Variants in TFPI observed in about 807,000 individuals in gnomAD.
The protein encoded by TFPI is anti-convertin.
A neutral mutation model predicts 34.6 loss-of-function variants in TFPI; 15 were observed. The ratio of observed to expected loss-of-function variants is 0.43; its 90% CI spans 0.29 to 0.67. The LOEUF is 0.67. TFPI is among the 30% of genes least tolerant of loss of function. TFPI has a pLI of 0.15. For synonymous variants in TFPI, 105 were observed against 120.1 expected (o/e 0.87, Z 0.82); for missense variants, 301 against 364.0 (o/e 0.83, Z 1.41).
chr2:187,484,735 A>G, intron 5 of TFPI, 76 bp downstream of exon 5: 1 of 1,359,350 alleles, frequency 7.4e-7, no homozygotes, highest in Admixed American at 2.6e-5. Flanking sequence ...ACCTGAGTAT[A>G]GAATGCCATC....
At chr2:187,512,277 T>TAAAAAAAAA (rs143585752) in intron 1 of TFPI, among the ~76,000 whole-genome samples, 1 of 110,332 alleles carries the variant, frequency 9.1e-6, no homozygotes, top group Non-Finnish European at 1.9e-5. Context: ...TATCCTAAGT[T>TAAAAAAAAA]AAAAAAAAAA....
intron 6 of TFPI, among the ~76,000 whole-genome samples, chr2:187,468,691 G>A (rs933771856): frequency 1.3e-5 from 2 of 152,062 alleles, no homozygotes; most frequent in Non-Finnish European, 2.9e-5. Flanking sequence ...GTAATAAAAG[G>A]AGCACTCATT....
chr2:187,473,073 C>T (rs1398099901), intron 6 of TFPI, among the ~76,000 whole-genome samples: 1 of 151,982 alleles, frequency 6.6e-6, no homozygotes, highest in African/African-American at 2.4e-5. Context: ...TAAGTTTCAT[C>T]ATCATTAGAA....
At chr2:187,504,526 T>C (rs992971137) in intron 1 of TFPI, among the ~76,000 whole-genome samples, 13 of 151,894 alleles carry the variant, frequency 8.6e-5, no homozygotes, top group African/African-American at 3.1e-4. Flanking sequence ...AGTGAGACTT[T>C]TCCTGTTTCA....
At chr2:187,520,682 C>T (rs1687321642) in intron 1 of TFPI, 1 of 152,050 alleles carries the variant, frequency 6.6e-6, no homozygotes, top group South Asian at 2.1e-4. Context: ...TGGTCCCTAT[C>T]CTTAAGGTGA....
intron 3 of TFPI, among the ~76,000 whole-genome samples, chr2:187,489,349 A>G (rs1401648039): frequency 2.0e-5 from 3 of 150,870 alleles, no homozygotes; most frequent in Non-Finnish European, 3.0e-5. Context: ...TTCTAATTGT[A>G]CTATGTTTTA....
chr2:187,472,711 C>T (rs547971039), intron 6 of TFPI, among the ~76,000 whole-genome samples: 1 of 152,214 alleles, frequency 6.6e-6, no homozygotes, highest in Admixed American at 6.5e-5. Context: ...ATGTACTATT[C>T]ATAAACAAAG....
intron 1 of TFPI, chr2:187,544,459 AAC>A (rs1688743100): frequency 6.6e-6 from 1 of 152,238 alleles, no homozygotes; most frequent in Non-Finnish European, 1.5e-5. Context: ...TGATATTACA[AAC>A]ACAGAGTGAC....
At chr2:187,486,021 T>A (rs779428231) in intron 4 of TFPI, among the ~76,000 whole-genome samples, 4 of 151,686 alleles carry the variant, frequency 2.6e-5, no homozygotes, top group African/African-American at 9.7e-5. Context: ...GTTGCAGATC[T>A]GCAAAAGAAC....
At chr2:187,515,514 C>G (rs539159093) in intron 1 of TFPI, 4 of 152,180 alleles carry the variant, frequency 2.6e-5, no homozygotes, top group Non-Finnish European at 5.9e-5. Flanking sequence ...GCAGCTTCAC[C>G]AACCCCTGCA....
intron 6 of TFPI, among the ~76,000 whole-genome samples, chr2:187,475,593 A>C (rs554358851): frequency 6.6e-6 from 1 of 152,188 alleles, no homozygotes; most frequent in South Asian, 2.1e-4. Context: ...ACAGTTTTCC[A>C]AAAGTTTTGA....
At chr2:187,525,562 C>A (rs1023774795) in intron 1 of TFPI, among the ~76,000 whole-genome samples, 10 of 151,884 alleles carry the variant, frequency 6.6e-5, no homozygotes, top group African/African-American at 2.4e-4. Context: ...GAATTGTGTC[C>A]CCTTTCAAAT....
Position 187,501,368 on chromosome 2 carries a change from A to C in TFPI, c.121+2280T>G, listed in dbSNP as rs1005690704. Reference sequence around the variant, plus strand: ...AATATTTGCTGCCTGAAAACATATCATGCCCTTGACTGTAAGAATACTCAT... The same window carrying C: ...AATATTTGCTGCCTGAAAACATATCCTGCCCTTGACTGTAAGAATACTCAT... On this transcript the variant is annotated intron_variant, in intron 2 of 7. Coordinates refer to ENST00000233156, the MANE Select transcript of TFPI (RefSeq NM_006287.6). 2.1e-5 allele frequency among the ~76,000 whole-genome samples: 3 copies of C among 144,036 alleles called. No individual in the cohort carries two copies. The Admixed American group carries it at 2.3e-4, about 11-fold the overall frequency. The allele number at this position is 144,036 out of a possible 152,430, so 94.5% of individuals were successfully genotyped here.
In TFPI at chr2:187,488,377, T is replaced by C. The variant is rs774147498; in HGVS notation, c.320-2A>G. ...TCTTTATAATCCTGTTTGCATTATC[T>C]GTAATCAAAAGAATATATGCATATC... On this transcript the variant is annotated splice_acceptor_variant, in intron 3 of 7. Transcript: ENST00000233156. LOFTEE classifies it high-confidence loss of function. The C allele has an allele frequency of 1.3e-6, 2 of 1,541,612 alleles. No individual in the cohort carries two copies. The highest frequency in any genetic ancestry group is 1.7e-6 in the Non-Finnish European group (2 of 1,146,778).
intron 3 of TFPI, among the ~76,000 whole-genome samples, chr2:187,493,809 C>T (rs888705668): frequency 7.2e-5 from 11 of 152,160 alleles, no homozygotes; most frequent in African/African-American, 1.2e-4. Context: ...CAAAAAGTTC[C>T]TCATCTCTAT....
chr2:187,477,832 G>A (rs912747983), intron 6 of TFPI, among the ~76,000 whole-genome samples: 1 of 152,036 alleles, frequency 6.6e-6, no homozygotes, highest in Non-Finnish European at 1.5e-5. Flanking sequence ...TGTATGTCTG[G>A]AGGTCATACA....
intron 1 of TFPI, among the ~76,000 whole-genome samples, chr2:187,539,085 A>AGTAT (rs1688429496): frequency 2.0e-5 from 3 of 150,176 alleles, no homozygotes; most frequent in African/African-American, 7.3e-5. Flanking sequence ...GCCTAAATAG[A>AGTAT]GTGTGTGTGT....
chr2:187,525,379 T>G (rs1457831006), intron 1 of TFPI, among the ~76,000 whole-genome samples: 1 of 152,110 alleles, frequency 6.6e-6, no homozygotes, highest in East Asian at 1.9e-4. Flanking sequence ...TCCAGTTGTC[T>G]TCATAATTAT....
rs531458501 is a variant in TFPI at position 187,529,940 on chromosome 2, T to G, written c.-3+24260A>C. 2.7e-4 allele frequency among the ~76,000 whole-genome samples: 41 copies of G among 152,356 alleles called. No homozygotes were observed. In the South Asian group the frequency reaches 8.1e-3, roughly 30 times the overall value. On this transcript the variant is annotated intron_variant, in intron 1 of 7. Transcript: ENST00000233156. Reference sequence around the variant, plus strand: ...AAATACAGCAATCGCCAACTTCTTATGTTGTACATTTTATGATAATTTGCC... The same window carrying G: ...AAATACAGCAATCGCCAACTTCTTAGGTTGTACATTTTATGATAATTTGCC...
Sources: allele counts gnomAD v4.1 joint callset (sites outside exome capture counted in the v4.1 genomes callset), GRCh38; gene constraint gnomAD v4.1.1; transcripts MANE v1.5; gene names NCBI Gene and HGNC (gene_info 2026-07-23, HGNC 2026-07-21).